Variants in CYFIP2 observed in about 807,000 individuals in gnomAD.
CYFIP2 encodes the protein cytoplasmic FMR1-interacting protein 2.
In CYFIP2, 29 loss-of-function variants were observed where a neutral mutation model predicts 158.7. The observed-to-expected ratio is 0.18, with a 90% CI of 0.14 to 0.25. The LOEUF is 0.25. CYFIP2 is among the 10% of genes least tolerant of loss of function. CYFIP2 has a pLI of 1.00. For synonymous variants in CYFIP2, 585 were observed against 617.6 expected, an observed-to-expected ratio of 0.95 and a Z score of 0.78; for missense variants, 852 against 1,639.5, an observed-to-expected ratio of 0.52 and a Z score of 8.29.
intron 26 of CYFIP2, among the ~76,000 whole-genome samples, chr5:157,380,411 T>C (rs1765935494): frequency 6.6e-6 from 1 of 152,250 alleles, no homozygotes; most frequent in African/African-American, 2.4e-5. Context: ...GTCCGGCCTC[T>C]GCCCAGGAGT....
In CYFIP2 at chr5:157,386,402, T is replaced by TAAAAATAAAAAAA. The variant is rs199928450; in HGVS notation, c.3208-2786_3208-2785insAAAATAAAAAAAA. On this transcript the variant is annotated intron_variant, in intron 28 of 30. Transcript: ENST00000620254. ...CTGGATAATTTTTTTTTTATTTTTA[T>TAAAAATAAAAAAA]AGAGATGAGGTGTCACTATGTTGCC... is the stretch of plus-strand genomic sequence containing the variant. Among the ~76,000 whole-genome samples the TAAAAATAAAAAAA allele has an allele frequency of 7.3e-3, 1,106 of 152,088 alleles. 58 individuals are homozygous for TAAAAATAAAAAAA. The highest frequency in any genetic ancestry group is 0.065 in the Admixed American group (999 of 15,280).
chr5:157,377,007 A>C (rs1765545556), intron 26 of CYFIP2: 2 of 400,410 alleles, frequency 5.0e-6, no homozygotes, highest in Non-Finnish European at 1.0e-5. Flanking sequence ...TGCCCTGGGC[A>C]GGGGTCCTTT....
chr5:157,369,888 T>TTG (rs1561774816), intron 26 of CYFIP2, among the ~76,000 whole-genome samples: 53 of 149,272 alleles, frequency 3.6e-4, no homozygotes, highest in Admixed American at 1.1e-3. Flanking sequence ...AGTTTTTTTT[T>TTG]TTTTTTTTTT....
At chr5:157,300,215 G>T (rs994865851) in intron 5 of CYFIP2, among the ~76,000 whole-genome samples, 1 of 152,140 alleles carries the variant, frequency 6.6e-6, no homozygotes, top group Non-Finnish European at 1.5e-5. Context: ...GTCACATAGA[G>T]GCAGGTTCCA....
Position 157,392,717 on chromosome 5 carries a change from A to T in CYFIP2, c.3595-116A>T, listed in dbSNP as rs1201435277. The T allele has an allele frequency of 5.9e-6, 7 of 1,177,778 alleles. No individual in the cohort carries two copies. The East Asian group carries it at 1.4e-4, about 24-fold the overall frequency. The allele number at this position is 1,177,778 out of a possible 1,614,324, so 73.0% of individuals were successfully genotyped here. On this transcript the variant is annotated intron_variant, in intron 30 of 30. Coordinates refer to ENST00000620254, the MANE Select transcript of CYFIP2 (RefSeq NM_001037333.3). Reference sequence around the variant, plus strand: ...GGGGATTCCATAAAAGGACTTTAAGAAAGTGACATGATCACTGATGCAGGG... The same window carrying T: ...GGGGATTCCATAAAAGGACTTTAAGTAAGTGACATGATCACTGATGCAGGG...
intron 28 of CYFIP2, among the ~76,000 whole-genome samples, chr5:157,386,368 A>T (rs1485306206): frequency 1.3e-5 from 2 of 151,974 alleles, no homozygotes; most frequent in Admixed American, 6.6e-5. Flanking sequence ...CAGGCGCACA[A>T]CACCATACCT....
rs935858725 is a variant in CYFIP2 at position 157,341,274 on chromosome 5, G to A, written c.2673+117G>A. The A allele has an allele frequency of 2.3e-4, 207 of 909,086 alleles. 2 individuals carry two copies. The highest frequency in any genetic ancestry group is 2.7e-4 in the Admixed American group (13 of 48,360). 56.3% of individuals were successfully genotyped at this position (909,086 alleles called of 1,614,324 possible). On this transcript the variant is annotated intron_variant, in intron 23 of 30. Coordinates refer to ENST00000620254, the MANE Select transcript of CYFIP2 (RefSeq NM_001037333.3). Reference sequence around the variant, plus strand: ...AGAGATAAAGGCAGCAATGAGGTCAGGCACAGTGGCTCATACCTTTAATCC... The same window carrying A: ...AGAGATAAAGGCAGCAATGAGGTCAAGCACAGTGGCTCATACCTTTAATCC...
intron 19 of CYFIP2, among the ~76,000 whole-genome samples, 164 bp from the exon 20 acceptor site, chr5:157,330,578 A>G (rs967372497): frequency 6.6e-6 from 1 of 152,184 alleles, no homozygotes; most frequent in Non-Finnish European, 1.5e-5. Context: ...CTGTGACTGA[A>G]AAGAAATTTG....
In CYFIP2 at chr5:157,300,906, A is replaced by C. The variant is rs761214987; in HGVS notation, c.569+10A>C. On this transcript the variant is annotated intron_variant, in intron 6 of 30. Coordinates refer to ENST00000620254, the MANE Select transcript of CYFIP2 (RefSeq NM_001037333.3). ...ACTCTGCCTACAAGAGGTCAGGGCAACCTCCCCCTCTCCCCTTTCCCCATC... is the reference window on the plus strand; with the variant it reads ...ACTCTGCCTACAAGAGGTCAGGGCACCCTCCCCCTCTCCCCTTTCCCCATC... The C allele has an allele frequency of 6.5e-6, 10 of 1,539,026 alleles. No homozygotes were observed. The highest frequency in any genetic ancestry group is 8.8e-6 in the Non-Finnish European group (10 of 1,135,126).
In CYFIP2 at chr5:157,382,695, C is replaced by G. The variant is rs779905806; in HGVS notation, c.3112+33C>G. 2.3e-5 allele frequency: 37 copies of G among 1,603,848 alleles called. No individual in the cohort carries two copies. In the Admixed American group the frequency reaches 6.0e-4, roughly 26 times the overall value. ...ACCACTACAGCAGCTGAATAGCCAA[C>G]TGGCGTTTGAACCTTATTCTCACTT... On this transcript the variant is annotated intron_variant, in intron 27 of 30. Transcript: ENST00000620254.
intron 26 of CYFIP2, among the ~76,000 whole-genome samples, chr5:157,379,413 T>TA (rs539557169): frequency 6.6e-6 from 1 of 151,860 alleles, no homozygotes; most frequent in Non-Finnish European, 1.5e-5. Context: ...AAAACTCACT[T>TA]AAAAATTGAT....
intron 10 of CYFIP2, 149 bp downstream of exon 10, chr5:157,309,983 C>A (rs1178426985): frequency 2.7e-6 from 2 of 737,634 alleles, no homozygotes; most frequent in Admixed American, 5.0e-5. Flanking sequence ...AGGGGAGCCG[C>A]GAGGGTGCTC....
chr5:157,371,793 G>T (rs1765019924), intron 26 of CYFIP2, among the ~76,000 whole-genome samples: 1 of 152,158 alleles, frequency 6.6e-6, no homozygotes, highest in Admixed American at 6.5e-5. Context: ...TCTGATGTGA[G>T]TTCCTTACAG....
At chr5:157,284,402 G>A (rs983780202) in intron 1 of CYFIP2, among the ~76,000 whole-genome samples, 1 of 152,142 alleles carries the variant, frequency 6.6e-6, no homozygotes. Flanking sequence ...GCTACAATTT[G>A]CATTATTGAT....
At chr5:157,365,030 C>T (rs1426205193) in intron 26 of CYFIP2, 2 of 151,646 alleles carry the variant, frequency 1.3e-5, no homozygotes, top group Non-Finnish European at 2.9e-5. Flanking sequence ...CACATGATGC[C>T]ATAGATATAA....
intron 26 of CYFIP2, chr5:157,364,208 G>GA (rs1581149583): frequency 1.4e-5 from 2 of 144,506 alleles, no homozygotes; most frequent in South Asian, 2.5e-4. Flanking sequence ...GGGTGGCGGG[G>GA]GGGGGTGGGT....
chr5:157,291,288 CAAGTTAA>C (rs1757799106), intron 3 of CYFIP2, among the ~76,000 whole-genome samples: 1 of 152,198 alleles, frequency 6.6e-6, no homozygotes, highest in Non-Finnish European at 1.5e-5. Flanking sequence ...TAAGACATTA[CAAGTTAA>C]AAGGTGGGCC....
chr5:157,391,031 G>C (rs932150135), intron 30 of CYFIP2, among the ~76,000 whole-genome samples: 2 of 152,156 alleles, frequency 1.3e-5, no homozygotes, highest in Non-Finnish European at 2.9e-5. Flanking sequence ...GGTGAGCCAG[G>C]CTGCTATGGG....
At chr5:157,325,440 A>G (rs1284816054) in intron 16 of CYFIP2, 42 bp from the exon 17 acceptor site, 16 of 1,552,458 alleles carry the variant, frequency 1.0e-5, no homozygotes, top group Non-Finnish European at 1.7e-6. Flanking sequence ...AAGGTCTTTT[A>G]GTTCTAAAAG....
Sources: gnomAD v4.1 joint callset for allele counts (sites outside exome capture counted in the v4.1 genomes callset) on GRCh38, gnomAD v4.1.1 for gene constraint, MANE v1.5 for transcripts, NCBI Gene and HGNC (gene_info 2026-07-23, HGNC 2026-07-21) for gene names.